Variants in CDH12 observed in about 807,000 individuals in gnomAD.
CDH12 encodes the protein cadherin 12, also known as cadherin-12.
CDH12 carries 41 observed loss-of-function variants against 74.1 expected under a neutral mutation model. That is an observed-to-expected ratio of 0.55 (90% CI 0.43 to 0.72). The LOEUF is 0.72. Ranked by LOEUF, CDH12 falls within the 30% of genes least tolerant of loss-of-function variation. CDH12 has a pLI of 0.00. For missense variants in CDH12, 945 were observed against 977.2 expected, an observed-to-expected ratio of 0.97 and a Z score of 0.44; for synonymous variants, 399 against 355.0, an observed-to-expected ratio of 1.12 and a Z score of -1.39.
chr5:22,017,817 T>C (rs1266352934), intron 5 of CDH12, among the ~76,000 whole-genome samples: 1 of 151,520 alleles, frequency 6.6e-6, no homozygotes, highest in Non-Finnish European at 1.5e-5. Flanking sequence ...TGGAGTGCAA[T>C]GGCGTAATCT....
chr5:22,469,701 CTT>C (rs1745879835), intron 2 of CDH12, among the ~76,000 whole-genome samples: 1 of 152,074 alleles, frequency 6.6e-6, no homozygotes, highest in Non-Finnish European at 1.5e-5. Flanking sequence ...TCTATACTGA[CTT>C]TTAGTGGTGT....
chr5:22,422,221 T>G (rs1474916441), intron 2 of CDH12, among the ~76,000 whole-genome samples: 1 of 152,104 alleles, frequency 6.6e-6, no homozygotes, highest in Non-Finnish European at 1.5e-5. Flanking sequence ...GTTTAAATAG[T>G]AAGAGTCATA....
intron 2 of CDH12, among the ~76,000 whole-genome samples, chr5:22,484,965 T>C: frequency 6.6e-6 from 1 of 152,296 alleles, no homozygotes. Context: ...GATACATATT[T>C]GTAAAGATCT....
At chr5:21,792,760 T>G (rs1184981319) in intron 10 of CDH12, among the ~76,000 whole-genome samples, 1 of 151,728 alleles carries the variant, frequency 6.6e-6, no homozygotes, top group African/African-American at 2.4e-5. Flanking sequence ...TGACAAGAAC[T>G]TCTTCTGCCC....
chr5:21,832,881 A>ATT (rs565010567), intron 8 of CDH12, among the ~76,000 whole-genome samples: 1 of 58,034 alleles, frequency 1.7e-5, no homozygotes, highest in Non-Finnish European at 2.6e-5. Context: ...TATATGATAT[A>ATT]ATATTAATAT....
At position 21,792,598 on chromosome 5, in the gene CDH12, C is replaced by CTT. The variant is rs371352944; in HGVS notation, c.1257-9106_1257-9105dup. Among the ~76,000 whole-genome samples the CTT allele has an allele frequency of 1.4e-3, 174 of 121,722 alleles. 2 individuals carry two copies. Among genetic ancestry groups the CTT allele is most frequent in the South Asian group, 4.6e-3 (18 of 3,878 alleles). The allele number at this position is 121,722 out of a possible 152,430, so 79.9% of individuals were successfully genotyped here. A position where few individuals can be genotyped will look rare whatever the true frequency, so the allele number is the denominator to read the frequency against. On this transcript the variant is annotated intron_variant, in intron 10 of 14. Coordinates refer to ENST00000382254, the MANE Select transcript of CDH12 (RefSeq NM_004061.5). The stretch of plus-strand genomic sequence containing the variant: ...CAAGTTGCTTAAGCTTTCCTCTGCC[C>CTT]TTTTTTTTTTTTTTTTTTTTCTTGG...
intron 1 of CDH12, among the ~76,000 whole-genome samples, chr5:22,724,131 G>C (rs1311881778): frequency 6.6e-6 from 1 of 151,748 alleles, no homozygotes; most frequent in East Asian, 1.9e-4. Flanking sequence ...AATCACTGAA[G>C]CAGAGTTTAG....
chr5:22,377,635 C>G (rs1741590352), intron 3 of CDH12, among the ~76,000 whole-genome samples: 1 of 152,204 alleles, frequency 6.6e-6, no homozygotes, highest in Admixed American at 6.5e-5. Flanking sequence ...CATCTGGATT[C>G]CAATAGTTTA....
intron 4 of CDH12, among the ~76,000 whole-genome samples, chr5:22,164,143 C>T (rs575970653): frequency 3.7e-4 from 57 of 152,268 alleles, no homozygotes; most frequent in African/African-American, 1.2e-3. Flanking sequence ...CCAAGATGGT[C>T]GTGGGCCACT....
intron 1 of CDH12, among the ~76,000 whole-genome samples, chr5:22,593,270 A>G (rs1452344574): frequency 6.6e-6 from 1 of 151,870 alleles, no homozygotes; most frequent in Non-Finnish European, 1.5e-5. Context: ...CAAATCCTAA[A>G]TTTGTATATT....
intron 5 of CDH12, among the ~76,000 whole-genome samples, chr5:22,052,025 C>G (rs954243859): frequency 1.5e-4 from 23 of 152,002 alleles, no homozygotes; most frequent in African/African-American, 5.6e-4. Context: ...GAAATATTTT[C>G]TTTTAACTGC....
At chr5:21,878,785 A>T (rs1229478169) in intron 6 of CDH12, among the ~76,000 whole-genome samples, 1 of 95,946 alleles carries the variant, frequency 1.0e-5, no homozygotes, top group Non-Finnish European at 2.6e-5. Flanking sequence ...AAGAAAGAAA[A>T]AAAGAAAGAA....
rs542794716 is a variant in CDH12 at position 22,264,534 on chromosome 5, T to A, written c.-332-51891A>T. Among the ~76,000 whole-genome samples, 5 of 152,254 alleles carry A rather than the reference T, an allele frequency of 3.3e-5. No individual in the cohort carries two copies. In the East Asian group the frequency reaches 9.7e-4, roughly 29 times the overall value. The stretch of plus-strand genomic sequence containing the variant: ...AATACATACAAGTTGAAGTCAGAAA[T>A]TTAATTTGGCTTGACTTTTATGAAC... On this transcript the variant is annotated intron_variant, in intron 3 of 14. Coordinates refer to ENST00000382254, the MANE Select transcript of CDH12 (RefSeq NM_004061.5).
chr5:22,852,764 A>T (rs1737613826), intron 1 of CDH12, among the ~76,000 whole-genome samples: 1 of 152,218 alleles, frequency 6.6e-6, no homozygotes, highest in Admixed American at 6.5e-5. Flanking sequence ...ACTTATTTTC[A>T]TTTGAAAATT....
intron 4 of CDH12, among the ~76,000 whole-genome samples, chr5:22,206,961 C>T (rs1449584876): frequency 6.6e-6 from 1 of 150,926 alleles, no homozygotes; most frequent in Non-Finnish European, 1.5e-5. Context: ...CACCTGTAAT[C>T]CCAGCACTTT....
intron 1 of CDH12, among the ~76,000 whole-genome samples, chr5:22,678,982 C>A (rs1741352928): frequency 6.6e-6 from 1 of 151,988 alleles, no homozygotes; most frequent in Admixed American, 6.6e-5. Context: ...CGATATGTTC[C>A]TGTTAAACTT....
rs1006848658 is a variant in CDH12, at chr5:22,483,750, A to ATATATATATATAAATT, written c.-428+21519_-428+21520insAATTTATATATATATA. ...GCAAGGACCTGTCTCTTTCAAAACT[A>ATATATATATATAAATT]TATATATATATATAAATTTAATTAA... On this transcript the variant is annotated intron_variant, in intron 2 of 14. Coordinates refer to ENST00000382254, the MANE Select transcript of CDH12 (RefSeq NM_004061.5). Among the ~76,000 whole-genome samples, 15 of 78,064 alleles carry ATATATATATATAAATT rather than the reference A, an allele frequency of 1.9e-4. 6 individuals carry two copies. 51.2% of individuals were successfully genotyped at this position (78,064 alleles called of 152,430 possible).
At chr5:22,731,686 T>C (rs1253823560) in intron 1 of CDH12, among the ~76,000 whole-genome samples, 5 of 151,892 alleles carry the variant, frequency 3.3e-5, no homozygotes, top group Admixed American at 2.0e-4. Context: ...GTTGGAAATG[T>C]TTAATTCTTG....
At chr5:22,271,188 T>C (rs926240940) in intron 3 of CDH12, among the ~76,000 whole-genome samples, 1 of 152,162 alleles carries the variant, frequency 6.6e-6, no homozygotes, top group Non-Finnish European at 1.5e-5. Flanking sequence ...TTTATAAATT[T>C]AATATTCTCA....
Sources: gnomAD v4.1 joint callset for allele counts (sites outside exome capture counted in the v4.1 genomes callset) on GRCh38, gnomAD v4.1.1 for gene constraint, MANE v1.5 for transcripts, NCBI Gene and HGNC (gene_info 2026-07-23, HGNC 2026-07-21) for gene names.